The following VPS37A variants were observed in gnomAD, a reference collection of about 807,000 sequenced individuals.
VPS37A encodes the protein VPS37A subunit of ESCRT-I.
Under a neutral mutation model 49.8 loss-of-function variants are expected in VPS37A, and 30 were observed. The ratio of observed to expected loss-of-function variants is 0.60; its 90% CI spans 0.45 to 0.82. VPS37A has a LOEUF of 0.82. Ranked by LOEUF, VPS37A falls within the 40% of genes least tolerant of loss-of-function variation. The probability of loss-of-function intolerance (pLI) is 0.00; values close to 1 mark genes in which losing one functional copy is unlikely to be tolerated. For missense variants in VPS37A, 593 were observed against 464.4 expected (o/e 1.28, Z -2.55); for synonymous variants, 195 against 160.6 (o/e 1.21, Z -1.62).
the VPS37A span, among the ~76,000 whole-genome samples, chr8:17,322,279 G>T: frequency 1.3e-5 from 2 of 152,220 alleles, no homozygotes; most frequent in African/African-American, 4.8e-5. Context: ...ATTATGGCCT[G>T]TACGAGCGAA....
At chr8:17,310,957 C>T in the VPS37A span, among the ~76,000 whole-genome samples, 1 of 152,122 alleles carries the variant, frequency 6.6e-6, no homozygotes, top group African/African-American at 2.4e-5. Flanking sequence ...TTGATGCCCA[C>T]CTAAAAAGCT....
chr8:17,308,735 T>C, the VPS37A span, among the ~76,000 whole-genome samples: 2 of 152,086 alleles, frequency 1.3e-5, no homozygotes, highest in Non-Finnish European at 2.9e-5. Context: ...ATTCCACAGA[T>C]GAGAGACCAA....
At chr8:17,313,246 G>A in the VPS37A span, 1 of 1,414,902 alleles carries the variant, frequency 7.1e-7, no homozygotes, top group Non-Finnish European at 1.0e-6. Flanking sequence ...TGAAGTCAGT[G>A]GTTTGCTCAT....
intron 6 of VPS37A, chr8:17,279,577 ATTAAG>A (rs1814842177): frequency 3.5e-6 from 1 of 288,350 alleles, no homozygotes; most frequent in Non-Finnish European, 6.8e-6. Context: ...TTCTCAAGCA[ATTAAG>A]TTAAACAGAA....
At chr8:17,301,474 A>G (rs905257783), downstream of VPS37A, among the ~76,000 whole-genome samples, 1 of 152,216 alleles carries the variant, frequency 6.6e-6, no homozygotes, top group Non-Finnish European at 1.5e-5. Flanking sequence ...ACAAGCAGCA[A>G]AAACCATTAA....
chr8:17,269,414 A>G (rs879678032), intron 4 of VPS37A, among the ~76,000 whole-genome samples: 1 of 152,036 alleles, frequency 6.6e-6, no homozygotes, highest in Non-Finnish European at 1.5e-5. Flanking sequence ...TTTTTTCTGG[A>G]ATTAATAATT....
chr8:17,314,450 ATCCT>A, the VPS37A span, among the ~76,000 whole-genome samples: 2 of 152,122 alleles, frequency 1.3e-5, no homozygotes, highest in African/African-American at 4.8e-5. Flanking sequence ...TATAAATTAT[ATCCT>A]TCCAACTGTA....
At chr8:17,259,394 T>C (rs887792054) in intron 1 of VPS37A, among the ~76,000 whole-genome samples, 1 of 152,160 alleles carries the variant, frequency 6.6e-6, no homozygotes. Flanking sequence ...AAGTTCCTCT[T>C]GTTATTGTTT....
chr8:17,263,239 G>T (rs866821666), intron 1 of VPS37A, among the ~76,000 whole-genome samples: 1 of 151,820 alleles, frequency 6.6e-6, no homozygotes, highest in Non-Finnish European at 1.5e-5. Flanking sequence ...GTTTACAGTG[G>T]TTTTTTGGCA....
chr8:17,319,204 A>G, the VPS37A span, among the ~76,000 whole-genome samples: 1 of 152,210 alleles, frequency 6.6e-6, no homozygotes, highest in African/African-American at 2.4e-5. Flanking sequence ...CATGCTCAAC[A>G]TGGTAACCTG....
Position 17,297,279 on chromosome 8 carries a change from A to G in VPS37A, c.*2293A>G, listed in dbSNP as rs1302137498. ...AATAGAAGAAAATTCTAAATCAATC[A>G]ATCAGTGAGATATAAACTAAACAGA... On this transcript the variant is annotated 3_prime_UTR_variant, in exon 12 of 12. Coordinates refer to ENST00000324849, the MANE Select transcript of VPS37A (RefSeq NM_152415.3). 1 of 152,152 alleles carries G rather than the reference A, an allele frequency of 6.6e-6. No homozygotes were observed. Among genetic ancestry groups the G allele is most frequent in the African/African-American group, 2.4e-5 (1 of 41,458 alleles). 9.4% of individuals were successfully genotyped at this position (152,152 alleles called of 1,614,324 possible).
intron 11 of VPS37A, among the ~76,000 whole-genome samples, chr8:17,291,715 G>C (rs1451640778): frequency 6.6e-6 from 1 of 152,002 alleles, no homozygotes; most frequent in Admixed American, 6.5e-5. Context: ...ATTTATTTCT[G>C]TCTTCATTTC....
chr8:17,329,753 C>G, the VPS37A span, among the ~76,000 whole-genome samples: 2 of 152,192 alleles, frequency 1.3e-5, no homozygotes, highest in Admixed American at 6.5e-5. Flanking sequence ...ACATAAAAAA[C>G]ATAGTTTGTA....
intron 6 of VPS37A, among the ~76,000 whole-genome samples, chr8:17,278,190 C>G (rs1331837051): frequency 6.6e-6 from 1 of 152,008 alleles, no homozygotes; most frequent in Admixed American, 6.6e-5. Flanking sequence ...CTGCATGCTT[C>G]TTTTTACATC....
intron 1 of VPS37A, among the ~76,000 whole-genome samples, chr8:17,257,505 A>G (rs1812581604): frequency 6.6e-6 from 1 of 152,050 alleles, no homozygotes. Context: ...GCGTTAGGGG[A>G]GGGATAGCAT....
downstream of VPS37A, chr8:17,304,228 C>T (rs952300071): frequency 5.1e-6 from 4 of 779,768 alleles, no homozygotes; most frequent in East Asian, 5.7e-5. Flanking sequence ...GCAAAAATAC[C>T]AGATCAGATA....
chr8:17,305,913 A>G (rs988561243), downstream of VPS37A: 18 of 1,613,656 alleles, frequency 1.1e-5, no homozygotes, highest in East Asian at 6.7e-5. Flanking sequence ...GAACTGGTCA[A>G]TAACTGGAGA....
chr8:17,269,862 T>G (rs1393255854), intron 4 of VPS37A, among the ~76,000 whole-genome samples: 1 of 152,206 alleles, frequency 6.6e-6, no homozygotes, highest in Non-Finnish European at 1.5e-5. Flanking sequence ...GTTCTTGCAT[T>G]GCTATAAAGG....
At chr8:17,288,660 GAAT>G (rs1275301682) in intron 11 of VPS37A, among the ~76,000 whole-genome samples, 1 of 152,256 alleles carries the variant, frequency 6.6e-6, no homozygotes, top group African/African-American at 2.4e-5. Context: ...TTGCTATTGT[GAAT>G]AGTGCTGCAA....
Sources: gnomAD v4.1 joint callset for allele counts (sites outside exome capture counted in the v4.1 genomes callset) on GRCh38, gnomAD v4.1.1 for gene constraint, MANE v1.5 for transcripts, NCBI Gene and HGNC (gene_info 2026-07-23, HGNC 2026-07-21) for gene names.